ADAMTS13: variants seen among roughly 807,000 people sequenced by gnomAD.
The protein encoded by ADAMTS13 is ADAM metallopeptidase with thrombospondin type 1 motif 13, also known as A disintegrin and metalloproteinase with thrombospondin motifs 13.
A neutral mutation model predicts 155.1 loss-of-function variants in ADAMTS13; 110 were observed. The observed-to-expected ratio is 0.71, with a 90% CI of 0.61 to 0.83. ADAMTS13 has a LOEUF of 0.83. Ranked by LOEUF, ADAMTS13 falls within the 40% of genes least tolerant of loss-of-function variation. ADAMTS13 has a pLI of 0.00. For synonymous variants in ADAMTS13, 758 were observed against 756.4 expected, an observed-to-expected ratio of 1.00 and a Z score of -0.03; for missense variants, 1,707 against 1,891.7, an observed-to-expected ratio of 0.90 and a Z score of 1.81.
Position 133,445,840 on chromosome 9 carries a change from C to A in ADAMTS13, c.2731+21C>A, listed in dbSNP as rs782476779. ...GCGAGGTGAGGGCCCCCGGGATGCT[C>A]CTGGGGACCAGCACTCATGGTAACT... On this transcript the variant is annotated intron_variant, in intron 21 of 28. Transcript: ENST00000355699. The surrounding 1 kb of genome is among the most constrained non-coding windows in gnomAD (Gnocchi z 5.0). The A allele has an allele frequency of 4.5e-6, 7 of 1,557,640 alleles. No individual in the cohort carries two copies. In the African/African-American group the frequency reaches 8.1e-5, roughly 18 times the overall value.
chr9:133,438,426 C>G, intron 14 of ADAMTS13, 60 bp downstream of exon 14: 1 of 1,605,186 alleles, frequency 6.2e-7, no homozygotes, highest in Non-Finnish European at 8.5e-7. Context: ...ATGGCCACAG[C>G]CCAGAGCGTT....
At chr9:133,435,598 C>G (rs920759589) in intron 11 of ADAMTS13, among the ~76,000 whole-genome samples, 1 of 150,656 alleles carries the variant, frequency 6.6e-6, no homozygotes, top group African/African-American at 2.4e-5. Context: ...GGCGCGATCT[C>G]GGCTCACTCT....
At chr9:133,450,423 C>G (rs891198960) in intron 23 of ADAMTS13, among the ~76,000 whole-genome samples, 2 of 152,042 alleles carry the variant, frequency 1.3e-5, no homozygotes, top group Admixed American at 1.3e-4. Flanking sequence ...ACAAAATTAG[C>G]CGGGTGTGGT....
intron 24 of ADAMTS13, 100 bp from the exon 25 acceptor site, chr9:133,455,185 G>T: frequency 7.4e-7 from 1 of 1,348,516 alleles, no homozygotes. Flanking sequence ...CTCCCAGCTT[G>T]TACAAGGATT....
intron 25 of ADAMTS13, chr9:133,455,663 C>A: frequency 6.3e-7 from 1 of 1,582,144 alleles, no homozygotes; most frequent in Non-Finnish European, 8.6e-7. Context: ...GCAAAGGCAT[C>A]TTCCTCTGGG....
chr9:133,445,829 C>T lies in ADAMTS13; in HGVS notation c.2731+10C>T. 6.4e-7 allele frequency: 1 copy of T among 1,568,756 alleles called. No homozygotes were observed. The highest frequency in any genetic ancestry group is 1.2e-5 in the South Asian group (1 of 86,090). ...GTCTCCTGCGGGCGAGGTGAGGGCC[C>T]CCGGGATGCTCCTGGGGACCAGCAC... On this transcript the variant is annotated intron_variant, in intron 21 of 28. Coordinates refer to ENST00000355699, the MANE Select transcript of ADAMTS13 (RefSeq NM_139027.6). The surrounding 1 kb of genome is among the most constrained non-coding windows in gnomAD (Gnocchi z 5.0).
chr9:133,441,726 C>T lies in ADAMTS13; in HGVS notation c.1969-673C>T, dbSNP rs1841685698. Among the ~76,000 whole-genome samples, 1 of 152,178 alleles carries T rather than the reference C, an allele frequency of 6.6e-6. No homozygotes were observed. Among genetic ancestry groups the T allele is most frequent in the African/African-American group, 2.4e-5 (1 of 41,414 alleles). ...CCAGTCCCAAGCCAGTAGCTGGCCACAGGTCCCCAGGGATCCAGTTTCTTC... is the reference window on the plus strand; with the variant it reads ...CCAGTCCCAAGCCAGTAGCTGGCCATAGGTCCCCAGGGATCCAGTTTCTTC... On this transcript the variant is annotated intron_variant, in intron 16 of 28. Transcript: ENST00000355699. The surrounding 1 kb of genome is among the most constrained non-coding windows in gnomAD (Gnocchi z 5.0).
chr9:133,433,309 CTG>C, intron 9 of ADAMTS13, 67 bp from the exon 10 acceptor site: 1 of 1,600,200 alleles, frequency 6.2e-7, no homozygotes. Context: ...GGGGGACTCT[CTG>C]TGTGTGTTGG....
Position 133,425,408 on chromosome 9 carries a change from C to A in ADAMTS13, c.331-121C>A. ...AGCCCCCCGCCCCGCCCGGTTCCCA[C>A]ACATGCTGGTGGAGTAGCCTCTCCA... On this transcript the variant is annotated intron_variant, in intron 3 of 28. Coordinates refer to ENST00000355699, the MANE Select transcript of ADAMTS13 (RefSeq NM_139027.6). This position sits in a 1 kb window ranked among gnomAD's most constrained non-coding sequence, Gnocchi z 4.6. 4 of 801,126 alleles carry A rather than the reference C, an allele frequency of 5.0e-6. No homozygotes were observed. Among genetic ancestry groups the A allele is most frequent in the Non-Finnish European group, 4.1e-6 (2 of 492,924 alleles). The allele number at this position is 801,126 out of a possible 1,614,324, so 49.6% of individuals were successfully genotyped here. A position where few individuals can be genotyped will look rare whatever the true frequency, so the allele number is the denominator to read the frequency against.
chr9:133,423,200 A>G (rs782453138), intron 2 of ADAMTS13, 33 bp downstream of exon 2: 1 of 1,599,392 alleles, frequency 6.3e-7, no homozygotes, highest in Non-Finnish European at 8.6e-7. Flanking sequence ...TCCCGGGGGG[A>G]GTTTCTCAGG....
chr9:133,449,595 C>T, intron 22 of ADAMTS13, among the ~76,000 whole-genome samples, 188 bp from the exon 23 acceptor site: 1 of 152,158 alleles, frequency 6.6e-6, no homozygotes, highest in East Asian at 1.9e-4. Context: ...ATGGGTTTGT[C>T]CAAATGTTCT....
intron 14 of ADAMTS13, 34 bp downstream of exon 14, chr9:133,438,400 T>C: frequency 6.2e-7 from 1 of 1,610,756 alleles, no homozygotes; most frequent in Non-Finnish European, 8.5e-7. Flanking sequence ...AGGCTGGGCT[T>C]CCCCCAGCCT....
Position 133,437,659 on chromosome 9 carries a change from C to G in ADAMTS13, c.1436-90C>G. 4 of 1,509,358 alleles carry G rather than the reference C, an allele frequency of 2.7e-6. No homozygotes were observed. The South Asian group carries it at 4.6e-5, about 17-fold the overall frequency. The allele number at this position is 1,509,358 out of a possible 1,614,324, so 93.5% of individuals were successfully genotyped here. ...ATGTGGGGAAGATAGAAACCCTTGC[C>G]CCAGATGCAAAGGATGAAGCTGGGT... On this transcript the variant is annotated intron_variant, in intron 12 of 28. Coordinates refer to ENST00000355699, the MANE Select transcript of ADAMTS13 (RefSeq NM_139027.6).
In ADAMTS13 at chr9:133,443,416, G is replaced by T. The variant is rs782640568; in HGVS notation, c.2275G>T (p.Gly759Trp). The part of the protein sequence containing the change: ...GDFGPCSASC[G>W]GGLRERPVRC... Reference sequence around the variant, plus strand: ...CTTCGGCCCATGCAGCGCCTCCTGTGGGGGTGGCCTGCGGGAGCGGCCAGT... The same window carrying T: ...CTTCGGCCCATGCAGCGCCTCCTGTTGGGGTGGCCTGCGGGAGCGGCCAGT... The change falls in exon 19 of 29, where the codon GGG (glycine) becomes TGG (tryptophan). Residue 759 changes from glycine to tryptophan, a missense_variant. Around this residue, in one of 3 missense-constraint regions of ADAMTS13, gnomAD observed 961 missense variants for 1,107.9 expected, o/e 0.87. Transcript: ENST00000355699. 1 of 1,599,292 alleles carries T rather than the reference G, an allele frequency of 6.3e-7. No homozygotes were observed.
chr9:133,437,678 G>C, intron 12 of ADAMTS13, 71 bp from the exon 13 acceptor site: 1 of 1,589,878 alleles, frequency 6.3e-7, no homozygotes, highest in Admixed American at 1.7e-5. Context: ...AAAGGATGAA[G>C]CTGGGTGGGG....
chr9:133,443,148 C>T (rs1038125327), intron 18 of ADAMTS13, among the ~76,000 whole-genome samples: 16 of 152,222 alleles, frequency 1.1e-4, no homozygotes, highest in Admixed American at 4.6e-4. Context: ...CTGTTAGGGA[C>T]GAGGCCATTC....
At chr9:133,451,899 A>AG (rs1332681686) in intron 23 of ADAMTS13, among the ~76,000 whole-genome samples, 5 of 150,852 alleles carry the variant, frequency 3.3e-5, no homozygotes, top group African/African-American at 1.2e-4. Context: ...TGTCTCAAAA[A>AG]AAAAAAAAAA....
chr9:133,414,390 T>G, exon 1 of ADAMTS13: 1 of 648,534 alleles, frequency 1.5e-6, no homozygotes, highest in Non-Finnish European at 2.8e-6. Context: ...GGCCTCATAC[T>G]TGGGTCTTTC....
chr9:133,421,830 C>T (rs781940384), upstream of ADAMTS13, among the ~76,000 whole-genome samples: 1 of 152,124 alleles, frequency 6.6e-6, no homozygotes, highest in African/African-American at 2.4e-5. Flanking sequence ...TCAGCTTGTG[C>T]GGCTCTGTGG....
Sources: gnomAD v4.1 joint callset for allele counts (sites outside exome capture counted in the v4.1 genomes callset) on GRCh38, gnomAD v4.1.1 for gene constraint, gnomAD v4.1.1 regional missense constraint, Gnocchi (gnomAD v3.1) non-coding constraint, MANE v1.5 for transcripts, NCBI Gene and HGNC (gene_info 2026-07-23, HGNC 2026-07-21) for gene names.